KCNAB2: variants seen among roughly 807,000 people sequenced by gnomAD.
KCNAB2 encodes voltage-gated potassium channel subunit beta-2.
Under a neutral mutation model 63.6 loss-of-function variants are expected in KCNAB2, and 29 were observed. The observed-to-expected ratio is 0.46, with a 90% CI of 0.34 to 0.62. The LOEUF (loss-of-function observed/expected upper bound fraction) is 0.62, where lower values mean the gene tolerates loss of function less well. Among genes scored for constraint, KCNAB2 ranks in the 20% least tolerant of loss-of-function variants. The pLI, the probability that KCNAB2 is intolerant of heterozygous loss-of-function variation, is 0.01. For synonymous variants in KCNAB2, 222 were observed against 224.2 expected (o/e 0.99, Z 0.09); for missense variants, 359 against 563.9 (o/e 0.64, Z 3.68).
chr1:6,005,020 T>A lies in KCNAB2; in HGVS notation c.-53+12232T>A, dbSNP rs547915140. ...TGGGAGCTGAGCTAAGGGGTGAGGG[T>A]GGAGTAGGGGGACGCGGGGGCTGAG... On this transcript the variant is annotated intron_variant, in intron 1 of 16. Transcript: ENST00000341524. Among the ~76,000 whole-genome samples the A allele has an allele frequency of 6.1e-5, 5 of 82,554 alleles. No individual in the cohort carries two copies. The East Asian group carries it at 1.4e-3, about 24-fold the overall frequency. The allele number at this position is 82,554 out of a possible 152,430, so 54.2% of individuals were successfully genotyped here. A position where few individuals can be genotyped will look rare whatever the true frequency, so the allele number is the denominator to read the frequency against.
At position 6,098,515 on chromosome 1, in the gene KCNAB2, C is replaced by T. The variant is rs1481334347; in HGVS notation, c.1189C>T (p.His397Tyr). Reference protein sequence around the residue: ...VLPKLSSSIIHEIDSILGNKP... With the variant: ...VLPKLSSSIIYEIDSILGNKP... Reference sequence around the variant, plus strand: ...TCCGAAACTGTCATCTTCCATTATCCACGAGATTGATAGTATTTTGGGCAA... The same window carrying T: ...TCCGAAACTGTCATCTTCCATTATCTACGAGATTGATAGTATTTTGGGCAA... Residue 397 changes from histidine (H) to tyrosine (Y), a missense_variant, in exon 16 of 16, where the codon CAC becomes TAC. Physicochemically the swap from His to Tyr is moderately conservative, Grantham distance 83. Transcript: ENST00000378083. 21 of 1,613,830 alleles carry T rather than the reference C, an allele frequency of 1.3e-5. No individual in the cohort carries two copies. Among genetic ancestry groups the T allele is most frequent in the Non-Finnish European group, 1.7e-5 (20 of 1,180,000 alleles).
At chr1:6,001,318 A>G (rs993268144) in intron 1 of KCNAB2, among the ~76,000 whole-genome samples, 1 of 151,732 alleles carries the variant, frequency 6.6e-6, no homozygotes, top group Non-Finnish European at 1.5e-5. Context: ...ACACACACAC[A>G]CACACACACA....
At chr1:6,014,691 C>T (rs1570862743) in intron 1 of KCNAB2, among the ~76,000 whole-genome samples, 1 of 152,188 alleles carries the variant, frequency 6.6e-6, no homozygotes, top group Admixed American at 6.5e-5. Flanking sequence ...TGAGAAGTCA[C>T]AGTTACCAGC....
intron 6 of KCNAB2, among the ~76,000 whole-genome samples, 198 bp downstream of exon 6, chr1:6,085,446 G>T (rs569979142): frequency 6.6e-6 from 1 of 152,060 alleles, no homozygotes; most frequent in Non-Finnish European, 1.5e-5. Flanking sequence ...AAGGGAGGCC[G>T]AATACACTGT....
chr1:6,017,214 TA>T (rs1658557934), intron 1 of KCNAB2, among the ~76,000 whole-genome samples: 1 of 150,394 alleles, frequency 6.6e-6, no homozygotes, highest in South Asian at 2.1e-4. Flanking sequence ...GCAAAGCAGA[TA>T]GGGGAGCACA....
intron 1 of KCNAB2, among the ~76,000 whole-genome samples, chr1:6,048,344 C>T (rs1212172906): frequency 2.6e-5 from 4 of 152,214 alleles, no homozygotes; most frequent in Admixed American, 2.0e-4. Context: ...GGCTGCGTCA[C>T]CAACTCCCAC....
chr1:6,050,387 A>G (rs1570958641), intron 1 of KCNAB2, among the ~76,000 whole-genome samples: 1 of 151,956 alleles, frequency 6.6e-6, no homozygotes, highest in East Asian at 1.9e-4. Context: ...TGGACTGGGG[A>G]CCTCCTTTGT....
chr1:6,008,320 C>G (rs950004609), intron 1 of KCNAB2, among the ~76,000 whole-genome samples: 9 of 152,084 alleles, frequency 5.9e-5, no homozygotes, highest in Admixed American at 5.9e-4. Flanking sequence ...TCTGTTCATC[C>G]TCTTTAAGAA....
At position 6,090,398 on chromosome 1, in the gene KCNAB2, C is replaced by T. The variant is rs1557509035; in HGVS notation, c.524C>T (p.Ala175Val). 6.2e-7 allele frequency: 1 copy of T among 1,613,710 alleles called. No individual in the cohort carries two copies. Among genetic ancestry groups the T allele is most frequent in the South Asian group, 1.1e-5 (1 of 91,064 alleles). The change falls in exon 9 of 16, where the codon GCT becomes GTT. Residue 175 changes from alanine (A) to valine (V), a missense_variant. Ala to Val is a moderately conservative substitution (Grantham distance 64). Around this residue, in one of 2 missense-constraint regions of KCNAB2, gnomAD observed 271 missense variants for 476.1 expected, o/e 0.57. Coordinates refer to ENST00000378083, the MANE Select transcript of KCNAB2 (RefSeq NM_001199862.2). Reference sequence around the variant, plus strand: ...CCTGGTCCTCCCCCAGGTCTGAAAGCTTCCCTGGAGCGACTGCAGCTGGAG... The same window carrying T: ...CCTGGTCCTCCCCCAGGTCTGAAAGTTTCCCTGGAGCGACTGCAGCTGGAG... ...SRKHIIEGLK[A>V]SLERLQLEYV...
Position 6,086,096 on chromosome 1 carries a change from TA to T in KCNAB2, c.425+849del. 2.0e-6 allele frequency: 2 copies of T among 985,406 alleles called. No homozygotes were observed. Among genetic ancestry groups the T allele is most frequent in the Non-Finnish European group, 2.4e-6 (2 of 829,916 alleles). 61.0% of individuals were successfully genotyped at this position (985,406 alleles called of 1,614,324 possible). Reference sequence around the variant, plus strand: ...CTCCCCAGACCCCTGGACACAGCTTTATCTCAAGGTGCTGACAAGCCCCGGG... The same window carrying T: ...CTCCCCAGACCCCTGGACACAGCTTTTCTCAAGGTGCTGACAAGCCCCGGG... On this transcript the variant is annotated intron_variant, in intron 6 of 15. Transcript: ENST00000378083. The surrounding 1 kb of genome is among the most constrained non-coding windows in gnomAD (Gnocchi z 4.2).
At chr1:6,009,734 C>A (rs955928820) in intron 1 of KCNAB2, among the ~76,000 whole-genome samples, 1 of 152,202 alleles carries the variant, frequency 6.6e-6, no homozygotes, top group Non-Finnish European at 1.5e-5. Context: ...TGAGGCCCTG[C>A]GGTTTCTATC....
At chr1:6,085,915 C>T (rs1161042369) in intron 6 of KCNAB2, 1 of 985,582 alleles carries the variant, frequency 1.0e-6, no homozygotes, top group Non-Finnish European at 1.2e-6. Context: ...CCCTCCAGCA[C>T]AGACCGGGGA....
At chr1:6,055,490 G>A (rs1397184732) in intron 2 of KCNAB2, among the ~76,000 whole-genome samples, 1 of 152,022 alleles carries the variant, frequency 6.6e-6, no homozygotes, top group Non-Finnish European at 1.5e-5. Context: ...CAAGTAGCTG[G>A]GACTGCAGGG....
chr1:5,996,813 A>C (rs1344834353), intron 1 of KCNAB2, among the ~76,000 whole-genome samples: 1 of 152,186 alleles, frequency 6.6e-6, no homozygotes, highest in Non-Finnish European at 1.5e-5. Context: ...TCTATCATCC[A>C]ACTCCATGGC....
At position 6,094,465 on chromosome 1, in the gene KCNAB2, T is replaced by C; in HGVS notation, c.712T>C (p.Trp238Arg). ...GGCCATGTACTGGGGCACGTCACGC[T>C]GGAGCTCCATGGAGATCATGGTACG... Reference protein sequence around the residue: ...GMAMYWGTSRWSSMEIMEAYS... With the variant: ...GMAMYWGTSRRSSMEIMEAYS... Residue 238 changes from tryptophan to arginine, a missense_variant, in exon 11 of 16, where the codon TGG (tryptophan) becomes CGG (arginine). Around this residue, in one of 2 missense-constraint regions of KCNAB2, gnomAD observed 271 missense variants for 476.1 expected, o/e 0.57. Transcript: ENST00000378083. 1 of 1,611,110 alleles carries C rather than the reference T, an allele frequency of 6.2e-7. No individual in the cohort carries two copies.
At chr1:5,993,751 C>CTG (rs1420140102) in intron 1 of KCNAB2, among the ~76,000 whole-genome samples, 2 of 152,182 alleles carry the variant, frequency 1.3e-5, no homozygotes, top group Admixed American at 6.5e-5. Flanking sequence ...CGTCTCCTTC[C>CTG]CTCCCCACCC....
intron 2 of KCNAB2, among the ~76,000 whole-genome samples, chr1:6,064,314 G>A (rs902835618): frequency 3.9e-5 from 6 of 152,222 alleles, no homozygotes; most frequent in Admixed American, 1.3e-4. Context: ...GAACAGCCCT[G>A]TCCTAGACGG....
At chr1:6,048,080 CT>C (rs1435332596) in intron 1 of KCNAB2, among the ~76,000 whole-genome samples, 1 of 152,250 alleles carries the variant, frequency 6.6e-6, no homozygotes, top group African/African-American at 2.4e-5. Context: ...CCTCTCTCCC[CT>C]CTCCCACTCA....
intron 10 of KCNAB2, among the ~76,000 whole-genome samples, chr1:6,093,895 ACT>A (rs1319728512): frequency 2.0e-5 from 3 of 151,930 alleles, no homozygotes; most frequent in Non-Finnish European, 2.9e-5. Context: ...TATCCAGCCC[ACT>A]CTCTGTTCCA....
Sources: gnomAD v4.1 joint callset for allele counts (sites outside exome capture counted in the v4.1 genomes callset) on GRCh38, gnomAD v4.1.1 for gene constraint, gnomAD v4.1.1 regional missense constraint, Gnocchi (gnomAD v3.1) non-coding constraint, MANE v1.5 for transcripts, NCBI Gene and HGNC (gene_info 2026-07-23, HGNC 2026-07-21) for gene names.